PLGRKT: variants seen among roughly 807,000 people sequenced by gnomAD.
PLGRKT encodes plasminogen receptor with a C-terminal lysine, also known as plasminogen receptor (KT).
A neutral mutation model predicts 18.5 loss-of-function variants in PLGRKT; 22 were observed. The observed-to-expected ratio is 1.19, with a 90% confidence interval of 0.85 to 1.70. The LOEUF is 1.70. PLGRKT is among the 40% of genes most tolerant of loss of function. The pLI, the probability that PLGRKT is intolerant of heterozygous loss-of-function variation, is 0.00. For synonymous variants in PLGRKT, 72 were observed against 52.8 expected (o/e 1.36, Z -1.58); for missense variants, 235 against 174.4 (o/e 1.35, Z -1.96).
rs148624804 is a variant in PLGRKT at position 5,428,094 on chromosome 9, T to G, written c.81+3803A>C. ...GCCAAAAAACAAGGCGACGTGGCGATGGCTGCTGAATCTAGGGGTCCCCAG... is the reference window on the plus strand; with the variant it reads ...GCCAAAAAACAAGGCGACGTGGCGAGGGCTGCTGAATCTAGGGGTCCCCAG... On this transcript the variant is annotated intron_variant, in intron 3 of 5. Coordinates refer to ENST00000223864, the MANE Select transcript of PLGRKT (RefSeq NM_018465.4). Among the ~76,000 whole-genome samples, 935 of 152,306 alleles carry G rather than the reference T, an allele frequency of 6.1e-3. 9 individuals carry two copies. Among genetic ancestry groups the G allele is most frequent in the African/African-American group, 0.022 (897 of 41,564 alleles).
chr9:5,424,691 T>TATATATATATATATATATATATACATAC (rs201541927), intron 3 of PLGRKT, among the ~76,000 whole-genome samples: 2 of 70,486 alleles, frequency 2.8e-5, no homozygotes, highest in African/African-American at 1.2e-4. Context: ...TATATATATA[T>TATATATATATATATATATATATACATAC]ACACACAGGG....
chr9:5,431,968 T>A lies in PLGRKT; in HGVS notation c.10A>T (p.Ile4Leu). 1 of 1,497,064 alleles carries A rather than the reference T, an allele frequency of 6.7e-7. No individual in the cohort carries two copies. Among genetic ancestry groups the A allele is most frequent in the Non-Finnish European group, 9.3e-7 (1 of 1,075,120 alleles). The allele number at this position is 1,497,064 out of a possible 1,614,324, so 92.7% of individuals were successfully genotyped here. MGF[I>L]FSKSMNESMK... ...CTTTCATTCATAGATTTTGAAAATATAAACCCCATTTTGACCTAAAATGTA... is the reference window on the plus strand; with the variant it reads ...CTTTCATTCATAGATTTTGAAAATAAAAACCCCATTTTGACCTAAAATGTA... Residue 4 changes from isoleucine to leucine, a missense_variant, in exon 3 of 6, where the codon ATA becomes TTA. Ile to Leu is a conservative substitution (Grantham distance 5, BLOSUM62 2). Coordinates refer to ENST00000223864, the MANE Select transcript of PLGRKT (RefSeq NM_018465.4).
At chr9:5,363,819 TAGAAGTAATTG>T in intron 3 of PLGRKT, among the ~76,000 whole-genome samples, 1 of 152,168 alleles carries the variant, frequency 6.6e-6, no homozygotes, top group East Asian at 1.9e-4. Flanking sequence ...AGTTTTAAAC[TAGAAGTAATTG>T]AGTAACTTTG....
chr9:5,427,504 T>C (rs1195703805), intron 3 of PLGRKT, among the ~76,000 whole-genome samples: 1 of 152,198 alleles, frequency 6.6e-6, no homozygotes, highest in Admixed American at 6.5e-5. Context: ...TTTATTATAG[T>C]ATACTGTTAC....
intron 3 of PLGRKT, among the ~76,000 whole-genome samples, chr9:5,412,666 C>T (rs186034967): frequency 4.0e-4 from 61 of 152,050 alleles, no homozygotes; most frequent in African/African-American, 1.2e-3. Context: ...AGAAAATGAA[C>T]GAAGACAAAA....
chr9:5,379,577 A>G (rs115623992), intron 3 of PLGRKT, among the ~76,000 whole-genome samples: 2,038 of 152,324 alleles, frequency 0.013, 47 homozygotes, highest in African/African-American at 0.045. Flanking sequence ...TATATGATTT[A>G]ACAAATAATA....
At chr9:5,388,630 G>C (rs1817889847) in intron 3 of PLGRKT, among the ~76,000 whole-genome samples, 1 of 152,012 alleles carries the variant, frequency 6.6e-6, no homozygotes, top group Admixed American at 6.5e-5. Flanking sequence ...TAGCCCAAGG[G>C]CATGAGCCTA....
At chr9:5,412,381 T>C (rs1315937698) in intron 3 of PLGRKT, among the ~76,000 whole-genome samples, 1 of 152,236 alleles carries the variant, frequency 6.6e-6, no homozygotes, top group Non-Finnish European at 1.5e-5. Flanking sequence ...CCAAAGTTCA[T>C]GTGTGGGAAA....
chr9:5,358,047 T>A lies in PLGRKT; in HGVS notation c.*192A>T. 2.3e-6 allele frequency: 1 copy of A among 444,344 alleles called. No homozygotes were observed. The highest frequency in any genetic ancestry group is 4.0e-6 in the Non-Finnish European group (1 of 252,160). 27.5% of individuals were successfully genotyped at this position (444,344 alleles called of 1,614,324 possible). The stretch of plus-strand genomic sequence containing the variant: ...CACACAGAGAGAGGAAATCTAAAAG[T>A]TATTTAGAGCACCTCCATGATTTTG... On this transcript the variant is annotated 3_prime_UTR_variant, in exon 6 of 6. Transcript: ENST00000223864.
chr9:5,364,163 A>G (rs1267106112), intron 3 of PLGRKT, among the ~76,000 whole-genome samples: 1 of 152,202 alleles, frequency 6.6e-6, no homozygotes, highest in Non-Finnish European at 1.5e-5. Context: ...TCCCAGACCA[A>G]CTAAACCAAG....
chr9:5,412,707 T>C (rs1277107027), intron 3 of PLGRKT, among the ~76,000 whole-genome samples: 1 of 152,202 alleles, frequency 6.6e-6, no homozygotes, highest in East Asian at 1.9e-4. Context: ...AACTGTGGTA[T>C]AGGGAAAAGC....
rs74807386 is a variant in PLGRKT at position 5,391,475 on chromosome 9, A to G, written c.82-29587T>C. ...CCATAAAATTAGTTTGTTACATGTA[A>G]TGAGCTGTGCTTCTGGGTACAAAGA... On this transcript the variant is annotated intron_variant, in intron 3 of 5. Transcript: ENST00000223864. Among the ~76,000 whole-genome samples, 20 of 152,102 alleles carry G rather than the reference A, an allele frequency of 1.3e-4. No individual in the cohort carries two copies. The East Asian group carries it at 3.5e-3, about 26-fold the overall frequency.
intron 3 of PLGRKT, among the ~76,000 whole-genome samples, chr9:5,396,024 G>T (rs1200860778): frequency 2.6e-5 from 4 of 151,134 alleles, no homozygotes; most frequent in Non-Finnish European, 4.4e-5. Flanking sequence ...CTCCCAAGTA[G>T]CTGGGATTAC....
intron 3 of PLGRKT, among the ~76,000 whole-genome samples, chr9:5,415,951 CA>C (rs59736004): frequency 0.56 from 76,496 of 137,376 alleles, 20,406 homozygotes; most frequent in African/African-American, 0.66. Flanking sequence ...GGTGAAATAT[CA>C]AAAAAAAAAA....
intron 2 of PLGRKT, among the ~76,000 whole-genome samples, chr9:5,432,829 G>A (rs1054357648): frequency 7.9e-5 from 12 of 152,268 alleles, no homozygotes; most frequent in African/African-American, 1.9e-4. Context: ...GTGCAGTGGC[G>A]TGATCTCGGC....
chr9:5,426,343 C>T (rs1199532351), intron 3 of PLGRKT, among the ~76,000 whole-genome samples: 1 of 152,126 alleles, frequency 6.6e-6, no homozygotes, highest in Non-Finnish European at 1.5e-5. Flanking sequence ...ATACTTCATA[C>T]TCTTAAAAAA....
intron 3 of PLGRKT, among the ~76,000 whole-genome samples, chr9:5,403,958 A>G (rs145708818): frequency 0.012 from 1,849 of 152,282 alleles, 33 homozygotes; most frequent in African/African-American, 0.043. Context: ...CACCACTGAC[A>G]CCACAGAAAT....
intron 3 of PLGRKT, among the ~76,000 whole-genome samples, chr9:5,415,951 C>CA (rs59736004): frequency 0.041 from 5,595 of 137,410 alleles, 158 homozygotes; most frequent in Non-Finnish European, 0.061. Context: ...GGTGAAATAT[C>CA]AAAAAAAAAA....
chr9:5,358,391 A>G, intron 5 of PLGRKT, 31 bp from the exon 6 acceptor site: 1 of 1,608,856 alleles, frequency 6.2e-7, no homozygotes, highest in Non-Finnish European at 8.5e-7. Context: ...ACACAAGGTG[A>G]CAAAGGGGTC....
Sources: gnomAD v4.1 joint callset for allele counts (sites outside exome capture counted in the v4.1 genomes callset) on GRCh38, gnomAD v4.1.1 for gene constraint, MANE v1.5 for transcripts, NCBI Gene and HGNC (gene_info 2026-07-23, HGNC 2026-07-21) for gene names.